The following SUN1 variants were observed in gnomAD, a reference collection of about 807,000 sequenced individuals.
SUN1 encodes the protein Sad1 and UNC84 domain containing 1, also known as SUN domain-containing protein 1.
In SUN1, 61 loss-of-function variants were observed where a neutral mutation model predicts 103.2. That is an observed-to-expected ratio of 0.59 (90% CI 0.48 to 0.73). The LOEUF is 0.73. Ranked by LOEUF, SUN1 falls within the 30% of genes least tolerant of loss-of-function variation. The pLI, the probability that SUN1 is intolerant of heterozygous loss-of-function variation, is 0.00. For synonymous variants in SUN1, 490 were observed against 425.7 expected, an observed-to-expected ratio of 1.15 and a Z score of -1.86; for missense variants, 1,052 against 1,034.6, an observed-to-expected ratio of 1.02 and a Z score of -0.23.
At chr7:824,508 G>A (rs998445320) in intron 1 of SUN1, among the ~76,000 whole-genome samples, 8 of 152,330 alleles carry the variant, frequency 5.3e-5, no homozygotes, top group Admixed American at 4.6e-4. Context: ...CTTCCTAGAC[G>A]CTTTGCAGTA....
At chr7:828,040 A>ATT (rs1293684587), upstream of SUN1, among the ~76,000 whole-genome samples, 1 of 151,674 alleles carries the variant, frequency 6.6e-6, no homozygotes, top group Non-Finnish European at 1.5e-5. Flanking sequence ...AGTAGCTGGG[A>ATT]TTACAAGCAC....
upstream of SUN1, chr7:815,746 G>C: frequency 5.8e-6 from 1 of 172,368 alleles, no homozygotes; most frequent in South Asian, 1.1e-4. Flanking sequence ...CCATCAGCAG[G>C]GGCCCTGCAG....
upstream of SUN1, chr7:832,011 A>G (rs916751015): frequency 2.0e-6 from 2 of 986,906 alleles, no homozygotes; most frequent in African/African-American, 3.5e-5. Flanking sequence ...TTTGTTATTC[A>G]CCCTGCAGTT....
rs182870614 is a variant in SUN1, at chr7:821,076, A to G, written c.-74+4403A>G. ...TTTTCTCCCTTTCATTTTGTTCTCA[A>G]TGAAATATGCCTTTAAAAAATAGCC... is the stretch of plus-strand genomic sequence containing the variant. On this transcript the variant is annotated intron_variant, in intron 1 of 17. Coordinates refer to the SUN1 transcript ENST00000389574. 2.9e-3 allele frequency among the ~76,000 whole-genome samples: 443 copies of G among 151,224 alleles called. 1 individual carries two copies. The highest frequency in any genetic ancestry group is 4.6e-3 in the Non-Finnish European group (314 of 67,892).
In SUN1 at chr7:852,797, T is replaced by C; in HGVS notation, c.911-13T>C. On this transcript the variant is annotated splice_polypyrimidine_tract_variant and intron_variant, in intron 8 of 18. Coordinates refer to ENST00000401592, the MANE Select transcript of SUN1 (RefSeq NM_001130965.3). ...GGTGTACCTGTGTGTGTGTGGTGGCTCTTCTCTTTTAGCAGGTCTCTCCTT... is the reference window on the plus strand; with the variant it reads ...GGTGTACCTGTGTGTGTGTGGTGGCCCTTCTCTTTTAGCAGGTCTCTCCTT... 1 of 1,611,114 alleles carries C rather than the reference T, an allele frequency of 6.2e-7. No individual in the cohort carries two copies.
intron 17 of SUN1, among the ~76,000 whole-genome samples, chr7:872,024 G>A (rs1052132178): frequency 2.0e-5 from 3 of 152,070 alleles, no homozygotes; most frequent in African/African-American, 4.8e-5. Context: ...GCCGGCACTC[G>A]CTCCCTTCTG....
intron 5 of SUN1, chr7:849,528 A>C (rs576676670): frequency 1.5e-6 from 2 of 1,377,506 alleles, no homozygotes; most frequent in Non-Finnish European, 1.9e-6. Context: ...AGCTCATGCC[A>C]GTTACTATGG....
chr7:857,987 T>C, intron 13 of SUN1, 30 bp downstream of exon 13: 2 of 1,530,136 alleles, frequency 1.3e-6, no homozygotes, highest in Non-Finnish European at 1.8e-6. Context: ...ACTTTTTGTT[T>C]TATAATAGAA....
intron 15 of SUN1, among the ~76,000 whole-genome samples, chr7:862,840 A>T (rs1043109012): frequency 4.6e-5 from 7 of 152,200 alleles, no homozygotes; most frequent in African/African-American, 1.4e-4. Context: ...TTAAAATCCC[A>T]TGGTTTTCCT....
intron 9 of SUN1, 194 bp downstream of exon 9, chr7:853,146 G>T: frequency 1.3e-6 from 1 of 783,690 alleles, no homozygotes; most frequent in Non-Finnish European, 2.0e-6. Context: ...GTACTCTCAT[G>T]ATTCAGTTAG....
chr7:852,406 A>T, intron 7 of SUN1: 1 of 642,984 alleles, frequency 1.6e-6, no homozygotes, highest in African/African-American at 1.8e-5. Context: ...ACAGCACCAG[A>T]GAGTTGGTAA....
chr7:861,086 C>A (rs552346185), intron 14 of SUN1, among the ~76,000 whole-genome samples: 2 of 152,280 alleles, frequency 1.3e-5, no homozygotes, highest in South Asian at 4.1e-4. Context: ...CTCATCCTTG[C>A]TTTATTCGTG....
intron 5 of SUN1, chr7:849,432 C>G: frequency 9.7e-7 from 1 of 1,029,138 alleles, no homozygotes; most frequent in Non-Finnish European, 1.4e-6. Context: ...CTTGCACATC[C>G]TCTGATCATG....
chr7:866,016 G>A lies in SUN1; in HGVS notation c.1929G>A (p.Leu643=). The part of the protein sequence containing the change: ...TYETKTALMS[L]FGIPLWYFSQ... Reference sequence around the variant, plus strand: ...AAACCAAAACGGCGCTGATGAGTCTGTTTGGGATCCCGCTGTGGTACTTCT... The same window carrying A: ...AAACCAAAACGGCGCTGATGAGTCTATTTGGGATCCCGCTGTGGTACTTCT... The change falls in exon 16 of 19, where the codon CTG becomes CTA. Residue 643 remains leucine (L), a synonymous_variant. Coordinates refer to ENST00000401592, the MANE Select transcript of SUN1 (RefSeq NM_001130965.3). The A allele has an allele frequency of 6.2e-7, 1 of 1,614,184 alleles. No homozygotes were observed. The highest frequency in any genetic ancestry group is 8.5e-7 in the Non-Finnish European group (1 of 1,180,022).
At chr7:817,432 G>C (rs768025058) in intron 1 of SUN1, 1 of 1,535,888 alleles carries the variant, frequency 6.5e-7, no homozygotes, top group Non-Finnish European at 8.7e-7. Context: ...GCAGCGGCGG[G>C]GAACACCTTG....
upstream of SUN1, among the ~76,000 whole-genome samples, chr7:827,552 C>G (rs1793587333): frequency 6.6e-6 from 1 of 150,618 alleles, no homozygotes; most frequent in Non-Finnish European, 1.5e-5. Context: ...TCACTGCAAG[C>G]TCCACCTCCC....
intron 7 of SUN1, 96 bp from the exon 8 acceptor site, chr7:852,513 G>A: frequency 1.4e-6 from 2 of 1,434,038 alleles, no homozygotes; most frequent in East Asian, 2.3e-5. Flanking sequence ...TACTGGGGGG[G>A]TGGATTTTGC....
chr7:855,250 A>G (rs75632936), intron 11 of SUN1, among the ~76,000 whole-genome samples: 17 of 152,242 alleles, frequency 1.1e-4, no homozygotes, highest in African/African-American at 4.1e-4. Flanking sequence ...TGCACACGCC[A>G]GGAGGTGGTT....
rs1262518624 is a variant in SUN1, at chr7:853,431, G to C, written c.1076G>C (p.Trp359Ser). 1 of 1,613,872 alleles carries C rather than the reference G, an allele frequency of 6.2e-7. No individual in the cohort carries two copies. The change falls in exon 10 of 19, where the codon TGG (tryptophan) becomes TCG (serine). Residue 359 changes from tryptophan (W) to serine (S), a missense_variant. By Grantham distance (177) the Trp-to-Ser change is radical. This residue lies in a region of SUN1 where 846 missense variants were observed against 774.5 expected (regional missense o/e 1.09). Transcript: ENST00000401592. The stretch of plus-strand genomic sequence containing the variant: ...CAGGGTGACAGTGAGGCTTTTCCGT[G>C]GCATTGGATGAGTGGCGTGGAGCAG... ...PLQGDSEAFP[W>S]HWMSGVEQQV...
Sources: gnomAD v4.1 joint callset for allele counts (sites outside exome capture counted in the v4.1 genomes callset) on GRCh38, gnomAD v4.1.1 for gene constraint, gnomAD v4.1.1 regional missense constraint, MANE v1.5 for transcripts, NCBI Gene and HGNC (gene_info 2026-07-23, HGNC 2026-07-21) for gene names.